Variants in SDK1 observed in about 807,000 individuals in gnomAD.
The protein encoded by SDK1 is protein sidekick-1.
SDK1 carries 157 observed loss-of-function variants against 245.5 expected under a neutral mutation model. That is an observed-to-expected ratio of 0.64 (90% CI 0.56 to 0.73). The LOEUF is 0.73. Among genes scored for constraint, SDK1 ranks in the 30% least tolerant of loss-of-function variants. The pLI is 0.00. For synonymous variants in SDK1, 1,647 were observed against 1,278.5 expected (o/e 1.29, Z -6.15); for missense variants, 3,583 against 3,002.3 (o/e 1.19, Z -4.52).
chr7:3,758,583 C>G (rs1006830029), intron 4 of SDK1, among the ~76,000 whole-genome samples: 1 of 152,166 alleles, frequency 6.6e-6, no homozygotes, highest in African/African-American at 2.4e-5. Context: ...AGAGCTTTCT[C>G]CAGTTGGCCA....
chr7:3,828,646 G>GT (rs1779837264), intron 5 of SDK1, among the ~76,000 whole-genome samples: 2 of 98,970 alleles, frequency 2.0e-5, no homozygotes, highest in African/African-American at 7.6e-5. Context: ...AGAATTTTTT[G>GT]TTCTTTTTTT....
chr7:3,520,133 C>A (rs974314926), intron 1 of SDK1, among the ~76,000 whole-genome samples: 2 of 152,164 alleles, frequency 1.3e-5, no homozygotes, highest in African/African-American at 4.8e-5. Context: ...TATCAAGTTA[C>A]CAGAATCTTC....
rs571923349 is a variant in SDK1, at chr7:3,521,903, T to C, written c.299-97177T>C. On this transcript the variant is annotated intron_variant, in intron 1 of 44. Coordinates refer to ENST00000404826, the MANE Select transcript of SDK1 (RefSeq NM_152744.4). Reference sequence around the variant, plus strand: ...CCAAGATTTGAGCGAGATAGTAATATAGGAAATAAGTGTTTCATAAAGATG... The same window carrying C: ...CCAAGATTTGAGCGAGATAGTAATACAGGAAATAAGTGTTTCATAAAGATG... 1.2e-3 allele frequency among the ~76,000 whole-genome samples: 180 copies of C among 152,244 alleles called. 1 individual carries two copies. The highest frequency in any genetic ancestry group is 4.1e-3 in the African/African-American group (171 of 41,564).
intron 4 of SDK1, among the ~76,000 whole-genome samples, chr7:3,790,831 G>A (rs1308852627): frequency 6.6e-6 from 1 of 152,098 alleles, no homozygotes; most frequent in African/African-American, 2.4e-5. Flanking sequence ...TCTGGTAGTG[G>A]TTGCTTTTGG....
chr7:3,561,302 G>A (rs984911848), intron 1 of SDK1, among the ~76,000 whole-genome samples: 9 of 152,178 alleles, frequency 5.9e-5, no homozygotes, highest in African/African-American at 1.4e-4. Context: ...AGGATATTAA[G>A]CCAACTTTTT....
At chr7:3,651,216 G>C (rs960841579) in intron 4 of SDK1, among the ~76,000 whole-genome samples, 1 of 150,768 alleles carries the variant, frequency 6.6e-6, no homozygotes, top group South Asian at 2.1e-4. Context: ...GAATGATTGC[G>C]TTTCCCTGCT....
chr7:3,350,915 A>G (rs1780643290), intron 1 of SDK1, among the ~76,000 whole-genome samples: 1 of 152,170 alleles, frequency 6.6e-6, no homozygotes, highest in South Asian at 2.1e-4. Flanking sequence ...ACTGGTTTAT[A>G]TTTTGAGCTG....
rs1171312947 is a variant in SDK1 at position 3,981,360 on chromosome 7, C to T, written c.1995-5826C>T. Among the ~76,000 whole-genome samples the T allele has an allele frequency of 3.9e-5, 6 of 152,312 alleles. No homozygotes were observed. The East Asian group carries it at 9.6e-4, about 24-fold the overall frequency. ...CTCCGTCTCCTTGGGCCCCTGTATTCCTTGAGCCCCACAGTGTGAAATTTG... is the reference window on the plus strand; with the variant it reads ...CTCCGTCTCCTTGGGCCCCTGTATTTCTTGAGCCCCACAGTGTGAAATTTG... On this transcript the variant is annotated intron_variant, in intron 13 of 44. Coordinates refer to ENST00000404826, the MANE Select transcript of SDK1 (RefSeq NM_152744.4).
At chr7:4,140,574 G>GA (rs1052653731) in intron 28 of SDK1, among the ~76,000 whole-genome samples, 1 of 151,998 alleles carries the variant, frequency 6.6e-6, no homozygotes, top group Non-Finnish European at 1.5e-5. Flanking sequence ...ACTGCAGCAG[G>GA]GGGGAGCTGA....
intron 5 of SDK1, among the ~76,000 whole-genome samples, chr7:3,936,378 G>A (rs1043629995): frequency 2.0e-5 from 3 of 151,954 alleles, no homozygotes; most frequent in Admixed American, 6.6e-5. Context: ...TCAGGAGATC[G>A]AGAACATCCT....
chr7:3,730,807 C>T (rs956427024), intron 4 of SDK1, among the ~76,000 whole-genome samples: 18 of 152,126 alleles, frequency 1.2e-4, no homozygotes, highest in Admixed American at 7.2e-4. Flanking sequence ...GGACATATAA[C>T]CCTCTCTTTG....
At chr7:3,816,336 G>C (rs1276773641) in intron 4 of SDK1, among the ~76,000 whole-genome samples, 12 of 150,330 alleles carry the variant, frequency 8.0e-5, no homozygotes, top group African/African-American at 2.5e-4. Flanking sequence ...CAACAAAATT[G>C]ATAGACCGCT....
intron 4 of SDK1, among the ~76,000 whole-genome samples, chr7:3,676,164 A>T (rs1205196476): frequency 6.6e-6 from 1 of 151,552 alleles, no homozygotes; most frequent in Admixed American, 6.6e-5. Flanking sequence ...ACGGGGTCTC[A>T]CTATGTTGCC....
chr7:4,018,025 G>T (rs1000497895), intron 17 of SDK1, among the ~76,000 whole-genome samples: 2 of 152,058 alleles, frequency 1.3e-5, no homozygotes, highest in African/African-American at 4.8e-5. Context: ...AGCCAGCATT[G>T]GGAGATCTCC....
intron 1 of SDK1, among the ~76,000 whole-genome samples, chr7:3,382,157 G>A (rs1781505402): frequency 6.6e-6 from 1 of 150,388 alleles, no homozygotes; most frequent in South Asian, 2.1e-4. Flanking sequence ...TTTGTGTAGA[G>A]ACAGGGTCTA....
At chr7:3,965,503 T>C (rs996170157) in intron 9 of SDK1, among the ~76,000 whole-genome samples, 1 of 152,148 alleles carries the variant, frequency 6.6e-6, no homozygotes, top group Non-Finnish European at 1.5e-5. Flanking sequence ...CAAAATGAGT[T>C]TTTTAATTAA....
intron 1 of SDK1, among the ~76,000 whole-genome samples, chr7:3,342,764 T>A (rs780494766): frequency 6.6e-6 from 1 of 152,102 alleles, no homozygotes; most frequent in Non-Finnish European, 1.5e-5. Flanking sequence ...TACATACTAG[T>A]AGAAAATATT....
intron 1 of SDK1, among the ~76,000 whole-genome samples, chr7:3,413,815 G>T (rs995328793): frequency 1.3e-5 from 2 of 152,154 alleles, no homozygotes; most frequent in Non-Finnish European, 2.9e-5. Context: ...AGCAAGATCT[G>T]CCATCTCTAC....
chr7:3,337,155 C>A (rs374539898), intron 1 of SDK1, among the ~76,000 whole-genome samples: 3 of 152,120 alleles, frequency 2.0e-5, no homozygotes, highest in East Asian at 3.9e-4. Context: ...AATGTTTCAA[C>A]AAGCTATTAC....
Sources: gnomAD v4.1 joint callset for allele counts (sites outside exome capture counted in the v4.1 genomes callset) on GRCh38, gnomAD v4.1.1 for gene constraint, MANE v1.5 for transcripts, NCBI Gene and HGNC (gene_info 2026-07-23, HGNC 2026-07-21) for gene names.